PVT1: variants seen among roughly 807,000 people sequenced by gnomAD.
PVT1 encodes CXCR4/PVT1 fusion.
chr8:127,879,348 G>A (rs57361893), intron 2 of PVT1, among the ~76,000 whole-genome samples: 1,732 of 152,118 alleles, frequency 0.011, 39 homozygotes, highest in African/African-American at 0.039. Flanking sequence ...TGCCAACATG[G>A]TGAAACCCTG....
Position 127,992,547 on chromosome 8 carries a change from T to G in PVT1, n.912+3256T>G, listed in dbSNP as rs111761485. Among the ~76,000 whole-genome samples, 179 of 152,258 alleles carry G rather than the reference T, an allele frequency of 1.2e-3. 1 individual carries two copies. Among genetic ancestry groups the G allele is most frequent in the Middle Eastern group, 0.01 (3 of 294 alleles). On this transcript the variant is annotated intron_variant and non_coding_transcript_variant, in intron 4 of 10. Coordinates refer to ENST00000651587, the Ensembl canonical transcript of PVT1. ...CACCACACACCCAGCCAGACTTCAATTTTCCCAGCCACATCATGGACCAGA... is the reference window on the plus strand; with the variant it reads ...CACCACACACCCAGCCAGACTTCAAGTTTCCCAGCCACATCATGGACCAGA...
At chr8:128,098,408 A>G (rs974259236) in intron 6 of PVT1, among the ~76,000 whole-genome samples, 2 of 152,070 alleles carry the variant, frequency 1.3e-5, no homozygotes, top group Non-Finnish European at 2.9e-5. Flanking sequence ...ACAGCTGCCA[A>G]GGGGAACGGA....
intron 3 of PVT1, among the ~76,000 whole-genome samples, chr8:127,934,022 A>G (rs1225245931): frequency 6.6e-6 from 1 of 152,228 alleles, no homozygotes; most frequent in Admixed American, 6.5e-5. Flanking sequence ...ATAAGTCAAC[A>G]TTGTAGTTGC....
At chr8:127,984,855 T>TTCTTTCTTTCTTTCTTTCTTTCTTTC (rs1563657370) in intron 3 of PVT1, among the ~76,000 whole-genome samples, 2 of 42,428 alleles carry the variant, frequency 4.7e-5, no homozygotes, top group East Asian at 5.5e-4. Context: ...CTTTCTTTCT[T>TTCTTTCTTTCTTTCTTTCTTTCTTTC]TCTTTCTTTC....
At chr8:128,080,930 T>C (rs973801483) in intron 5 of PVT1, among the ~76,000 whole-genome samples, 3 of 152,214 alleles carry the variant, frequency 2.0e-5, no homozygotes, top group African/African-American at 4.8e-5. Flanking sequence ...TGCAAATGAA[T>C]GTCTGGTTGT....
At chr8:127,900,224 G>A (rs1815741468) in intron 3 of PVT1, among the ~76,000 whole-genome samples, 1 of 151,916 alleles carries the variant, frequency 6.6e-6, no homozygotes, top group African/African-American at 2.4e-5. Flanking sequence ...TATATATTTA[G>A]TAGAGATGGG....
intron 3 of PVT1, among the ~76,000 whole-genome samples, chr8:127,922,091 C>T (rs988890193): frequency 2.0e-5 from 3 of 151,876 alleles, no homozygotes; most frequent in Non-Finnish European, 4.4e-5. Flanking sequence ...GAACTCTTGA[C>T]CTCGTGATCT....
intron 2 of PVT1, among the ~76,000 whole-genome samples, chr8:127,852,602 A>G (rs1167162187): frequency 6.6e-6 from 1 of 152,212 alleles, no homozygotes; most frequent in Non-Finnish European, 1.5e-5. Flanking sequence ...GAGTTAACAT[A>G]TGTAAAGTGA....
In PVT1 at chr8:127,871,192, C is replaced by T. The variant is rs910119760; in HGVS notation, n.373-19397C>T. Among the ~76,000 whole-genome samples the T allele has an allele frequency of 2.0e-5, 3 of 152,214 alleles. No homozygotes were observed. In the East Asian group the frequency reaches 5.8e-4, roughly 29 times the overall value. On this transcript the variant is annotated intron_variant and non_coding_transcript_variant, in intron 2 of 10. Transcript: ENST00000651587. Reference sequence around the variant, plus strand: ...GCCTGCTGTGTGCCTCTCCAGGGAGCACCAGGAGGGGCTGTGTGGGACAGG... The same window carrying T: ...GCCTGCTGTGTGCCTCTCCAGGGAGTACCAGGAGGGGCTGTGTGGGACAGG...
At chr8:128,034,862 G>C (rs1813442637) in intron 4 of PVT1, among the ~76,000 whole-genome samples, 1 of 152,202 alleles carries the variant, frequency 6.6e-6, no homozygotes, top group Non-Finnish European at 1.5e-5. Context: ...AGGGGACTTT[G>C]AGTAAATGAC....
At chr8:127,822,612 TG>T (rs1814745996) in intron 2 of PVT1, among the ~76,000 whole-genome samples, 2 of 151,926 alleles carry the variant, frequency 1.3e-5, no homozygotes, top group Non-Finnish European at 2.9e-5. Flanking sequence ...TTCAATGCAG[TG>T]ATTATTAGAG....
chr8:127,849,693 A>ATG (rs1304393374), intron 2 of PVT1, among the ~76,000 whole-genome samples: 2 of 136,804 alleles, frequency 1.5e-5, no homozygotes, highest in Non-Finnish European at 3.1e-5. Context: ...GCCTGTACAT[A>ATG]TGTGTGTGTG....
intron 3 of PVT1, among the ~76,000 whole-genome samples, chr8:127,896,621 T>G (rs1309346636): frequency 1.3e-5 from 2 of 152,178 alleles, no homozygotes; most frequent in Non-Finnish European, 2.9e-5. Flanking sequence ...TTATTATGTA[T>G]GTATTTATTT....
At chr8:128,086,667 T>C (rs1373556622) in intron 5 of PVT1, among the ~76,000 whole-genome samples, 1 of 152,252 alleles carries the variant, frequency 6.6e-6, no homozygotes, top group African/African-American at 2.4e-5. Flanking sequence ...CATCTTACTT[T>C]GTTCAGTATG....
chr8:127,869,414 A>G (rs1301323944), intron 2 of PVT1, among the ~76,000 whole-genome samples: 1 of 152,202 alleles, frequency 6.6e-6, no homozygotes, highest in African/African-American at 2.4e-5. Context: ...TACAGGTGTG[A>G]GCCACCACGC....
chr8:128,025,484 G>C (rs951887915), intron 4 of PVT1, among the ~76,000 whole-genome samples: 2 of 152,090 alleles, frequency 1.3e-5, no homozygotes, highest in African/African-American at 4.8e-5. Context: ...TCAGGGGAGA[G>C]AGTCTCCTGT....
At chr8:128,090,376 A>G (rs1290593760) in intron 5 of PVT1, among the ~76,000 whole-genome samples, 1 of 152,200 alleles carries the variant, frequency 6.6e-6, no homozygotes, top group African/African-American at 2.4e-5. Context: ...TGAATTGCCC[A>G]CCTTTTACAT....
chr8:127,938,918 C>T (rs773961040), intron 3 of PVT1, among the ~76,000 whole-genome samples: 3 of 152,274 alleles, frequency 2.0e-5, no homozygotes, highest in Non-Finnish European at 4.4e-5. Flanking sequence ...GGTGCACAGG[C>T]GGGCATCATG....
At chr8:128,023,404 G>A (rs1430504557) in intron 4 of PVT1, among the ~76,000 whole-genome samples, 3 of 152,120 alleles carry the variant, frequency 2.0e-5, no homozygotes, top group East Asian at 3.9e-4. Flanking sequence ...ACTTGACCAC[G>A]CAGATATATG....
Sources: gnomAD v4.1 joint callset for allele counts (sites outside exome capture counted in the v4.1 genomes callset) on GRCh38, gnomAD v4.1.1 for gene constraint, MANE v1.5 for transcripts, NCBI Gene and HGNC (gene_info 2026-07-23, HGNC 2026-07-21) for gene names.